MAK16: variants seen among roughly 807,000 people sequenced by gnomAD.
MAK16 encodes the protein protein MAK16 homolog.
A neutral mutation model predicts 49.9 loss-of-function variants in MAK16; 12 were observed. The observed-to-expected ratio is 0.24, with a 90% CI of 0.15 to 0.39. The LOEUF is 0.39. Ranked by LOEUF, MAK16 falls within the 10% of genes least tolerant of loss-of-function variation. The pLI is 1.00. For synonymous variants in MAK16, 115 were observed against 126.4 expected, an observed-to-expected ratio of 0.91 and a Z score of 0.60; for missense variants, 292 against 363.7, an observed-to-expected ratio of 0.80 and a Z score of 1.60.
intron 1 of MAK16, among the ~76,000 whole-genome samples, chr8:33,486,144 T>C (rs2128823042): frequency 6.6e-6 from 1 of 152,308 alleles, no homozygotes; most frequent in Admixed American, 6.5e-5. Context: ...TGCAGAATCT[T>C]GTAGGAAGTG....
chr8:33,498,715 T>G lies in MAK16; in HGVS notation c.*86T>G, dbSNP rs1422686049. The stretch of plus-strand genomic sequence containing the variant: ...ATCTTAAACACATACACACCTCCAG[T>G]TTTTGCTCTTTTGTGTTGTACTGAA... On this transcript the variant is annotated 3_prime_UTR_variant, in exon 10 of 10. Coordinates refer to ENST00000360128, the MANE Select transcript of MAK16 (RefSeq NM_032509.4). The G allele has an allele frequency of 1.7e-6, 2 of 1,164,216 alleles. No homozygotes were observed. The highest frequency in any genetic ancestry group is 1.6e-5 in the African/African-American group (1 of 63,786). 72.1% of individuals were successfully genotyped at this position (1,164,216 alleles called of 1,614,324 possible). A position where few individuals can be genotyped will look rare whatever the true frequency, so the allele number is the denominator to read the frequency against.
rs1048919548 is a variant in MAK16, at chr8:33,499,668, A to T, written c.*1039A>T. On this transcript the variant is annotated 3_prime_UTR_variant, in exon 10 of 10. Transcript: ENST00000360128. Reference sequence around the variant, plus strand: ...ATCTCTACATATTTTTAGGATATGAATTTTTTTTTCCTGCTGGGTAGATTG... The same window carrying T: ...ATCTCTACATATTTTTAGGATATGATTTTTTTTTTCCTGCTGGGTAGATTG... 19 of 179,004 alleles carry T rather than the reference A, an allele frequency of 1.1e-4. No homozygotes were observed. Among genetic ancestry groups the T allele is most frequent in the African/African-American group, 3.9e-4 (16 of 41,534 alleles). 11.1% of individuals were successfully genotyped at this position (179,004 alleles called of 1,614,324 possible). A position where few individuals can be genotyped will look rare whatever the true frequency, so the allele number is the denominator to read the frequency against.
At chr8:33,496,104 C>T (rs960318191) in intron 7 of MAK16, among the ~76,000 whole-genome samples, 1 of 152,136 alleles carries the variant, frequency 6.6e-6, no homozygotes, top group Non-Finnish European at 1.5e-5. Context: ...CCTTGATACT[C>T]CATTCACTAT....
intron 1 of MAK16, among the ~76,000 whole-genome samples, chr8:33,486,483 C>A (rs1307694983): frequency 6.6e-6 from 1 of 152,178 alleles, no homozygotes; most frequent in African/African-American, 2.4e-5. Flanking sequence ...GCCGAAAAGT[C>A]CGAGGCTGCA....
In MAK16 at chr8:33,499,414, A is replaced by G. The variant is rs1424423939; in HGVS notation, c.*785A>G. 2 of 673,264 alleles carry G rather than the reference A, an allele frequency of 3.0e-6. No homozygotes were observed. The highest frequency in any genetic ancestry group is 5.5e-5 in the East Asian group (2 of 36,352). 41.7% of individuals were successfully genotyped at this position (673,264 alleles called of 1,614,324 possible). A position where few individuals can be genotyped will look rare whatever the true frequency, so the allele number is the denominator to read the frequency against. On this transcript the variant is annotated 3_prime_UTR_variant, in exon 10 of 10. Coordinates refer to ENST00000360128, the MANE Select transcript of MAK16 (RefSeq NM_032509.4). ...CACTTAGGGACAGGTCACTAAGCAG[A>G]ATAGGTATTAGTTGGTTTTTTATTA...
chr8:33,495,233 A>G (rs190630843), intron 6 of MAK16, among the ~76,000 whole-genome samples: 1 of 152,348 alleles, frequency 6.6e-6, no homozygotes, highest in East Asian at 1.9e-4. Context: ...CAGAGTTGCT[A>G]GATTATTTCT....
rs1202201563 is a variant in MAK16 at position 33,500,556 on chromosome 8, A to C, written c.*1927A>C. 1 of 1,578,946 alleles carries C rather than the reference A, an allele frequency of 6.3e-7. No homozygotes were observed. The highest frequency in any genetic ancestry group is 2.3e-5 in the East Asian group (1 of 44,266). On this transcript the variant is annotated 3_prime_UTR_variant, in exon 10 of 10. Coordinates refer to ENST00000360128, the MANE Select transcript of MAK16 (RefSeq NM_032509.4). The stretch of plus-strand genomic sequence containing the variant: ...GGATATTAAAATTGGAAGAGACTTC[A>C]AAGACTGTCAAGTGGAAAGCTATCA...
At chr8:33,486,834 A>G (rs1004138819) in intron 1 of MAK16, among the ~76,000 whole-genome samples, 1 of 152,236 alleles carries the variant, frequency 6.6e-6, no homozygotes, top group South Asian at 2.1e-4. Context: ...GTTAATATTT[A>G]TGTTGCCTTT....
At chr8:33,495,521 T>C in intron 6 of MAK16, 21 bp from the exon 7 acceptor site, 1 of 1,603,998 alleles carries the variant, frequency 6.2e-7, no homozygotes, top group Non-Finnish European at 8.5e-7. Flanking sequence ...ATTAAACAGA[T>C]TTGCTCTTTC....
intron 6 of MAK16, among the ~76,000 whole-genome samples, chr8:33,493,280 A>G (rs758713122): frequency 3.3e-5 from 5 of 152,136 alleles, no homozygotes; most frequent in Non-Finnish European, 7.3e-5. Flanking sequence ...CAGCCTCCCA[A>G]GTAGCTGGGA....
chr8:33,491,156 G>A (rs1808772230), intron 6 of MAK16, among the ~76,000 whole-genome samples: 1 of 152,160 alleles, frequency 6.6e-6, no homozygotes, highest in African/African-American at 2.4e-5. Context: ...TTGTGTATAA[G>A]TACCATATTT....
At chr8:33,493,925 T>A (rs79030008) in intron 6 of MAK16, among the ~76,000 whole-genome samples, 2,323 of 152,252 alleles carry the variant, frequency 0.015, 73 homozygotes, top group African/African-American at 0.053. Flanking sequence ...CAAGTTTTTT[T>A]TTTTTCAAAA....
At chr8:33,491,447 G>A (rs527563378) in intron 6 of MAK16, among the ~76,000 whole-genome samples, 1 of 152,186 alleles carries the variant, frequency 6.6e-6, no homozygotes, top group East Asian at 1.9e-4. Context: ...ATTTGTTATT[G>A]CCTGTCTTTT....
chr8:33,500,658 T>A lies in MAK16; in HGVS notation c.*2029T>A. 1 of 733,230 alleles carries A rather than the reference T, an allele frequency of 1.4e-6. No homozygotes were observed. The highest frequency in any genetic ancestry group is 2.2e-6 in the Non-Finnish European group (1 of 464,748). 45.4% of individuals were successfully genotyped at this position (733,230 alleles called of 1,614,324 possible). On this transcript the variant is annotated 3_prime_UTR_variant, in exon 10 of 10. Coordinates refer to ENST00000360128, the MANE Select transcript of MAK16 (RefSeq NM_032509.4). ...CAGAACCAAAGACAGCCTCTAGATT[T>A]CTTACCCTCAAGTCTCCTGTTAGCA...
chr8:33,498,292 A>AG, intron 9 of MAK16, 140 bp from the exon 10 acceptor site: 1 of 722,750 alleles, frequency 1.4e-6, no homozygotes. Context: ...AAAAAAAAAA[A>AG]TTAAAGAAAG....
intron 9 of MAK16, 102 bp from the exon 10 acceptor site, chr8:33,498,329 CA>C (rs1808918276): frequency 1.1e-6 from 1 of 871,700 alleles, no homozygotes; most frequent in Admixed American, 3.1e-5. Flanking sequence ...CAGACATAGA[CA>C]AATCAATGCC....
At position 33,489,356 on chromosome 8, in the gene MAK16, T is replaced by A; in HGVS notation, c.392+217T>A. 2.1e-6 allele frequency: 1 copy of A among 477,952 alleles called. No individual in the cohort carries two copies. Among genetic ancestry groups the A allele is most frequent in the Non-Finnish European group, 3.6e-6 (1 of 274,362 alleles). 29.6% of individuals were successfully genotyped at this position (477,952 alleles called of 1,614,324 possible). The stretch of plus-strand genomic sequence containing the variant: ...CAACTTGATTATCACCCTCCTTGTC[T>A]GAAAATCTTTCAGAAAATTTTATTT... On this transcript the variant is annotated intron_variant, in intron 5 of 9. Transcript: ENST00000360128. This position sits in a 1 kb window ranked among gnomAD's most constrained non-coding sequence, Gnocchi z 4.2.
chr8:33,489,329 T>C lies in MAK16; in HGVS notation c.392+190T>C. On this transcript the variant is annotated intron_variant, in intron 5 of 9. Transcript: ENST00000360128. The surrounding 1 kb of genome is among the most constrained non-coding windows in gnomAD (Gnocchi z 4.2). ...TGGCAGGACTTTTAAAACAGTAGAA[T>C]ACAACTTGATTATCACCCTCCTTGT... 7.4e-6 allele frequency: 4 copies of C among 540,840 alleles called. No homozygotes were observed. 33.5% of individuals were successfully genotyped at this position (540,840 alleles called of 1,614,324 possible).
In MAK16 at chr8:33,499,425, G is replaced by A. The variant is rs1460143229; in HGVS notation, c.*796G>A. 4 of 638,514 alleles carry A rather than the reference G, an allele frequency of 6.3e-6. No individual in the cohort carries two copies. Among genetic ancestry groups the A allele is most frequent in the Non-Finnish European group, 1.1e-5 (4 of 361,630 alleles). The allele number at this position is 638,514 out of a possible 1,614,324, so 39.6% of individuals were successfully genotyped here. On this transcript the variant is annotated 3_prime_UTR_variant, in exon 10 of 10. Transcript: ENST00000360128. ...AGGTCACTAAGCAGAATAGGTATTA[G>A]TTGGTTTTTTATTATTTTTAAATTT...
Sources: allele counts gnomAD v4.1 joint callset (sites outside exome capture counted in the v4.1 genomes callset), GRCh38; gene constraint gnomAD v4.1.1; non-coding constraint Gnocchi (gnomAD v3.1); transcripts MANE v1.5; gene names NCBI Gene and HGNC (gene_info 2026-07-23, HGNC 2026-07-21).